Variants in GRAMD1B observed in about 807,000 individuals in gnomAD.
The protein encoded by GRAMD1B is protein Aster-B.
Under a neutral mutation model 99.7 loss-of-function variants are expected in GRAMD1B, and 37 were observed. That is an observed-to-expected ratio of 0.37 (90% CI 0.29 to 0.49). The LOEUF is 0.49. Ranked by LOEUF, GRAMD1B falls within the 20% of genes least tolerant of loss-of-function variation. The probability of loss-of-function intolerance (pLI) is 0.98; values close to 1 mark genes in which losing one functional copy is unlikely to be tolerated. For missense variants in GRAMD1B, 888 were observed against 1,009.2 expected (o/e 0.88, Z 1.63); for synonymous variants, 427 against 387.6 (o/e 1.10, Z -1.19).
At chr11:123,511,571 C>T (rs984586653) in intron 2 of GRAMD1B, among the ~76,000 whole-genome samples, 2 of 152,138 alleles carry the variant, frequency 1.3e-5, no homozygotes, top group African/African-American at 4.8e-5. Context: ...GCAGCCCCAA[C>T]CCCAGCTCCA....
At chr11:123,359,578 G>A (rs145510633) in intron 1 of GRAMD1B, among the ~76,000 whole-genome samples, 256 of 152,152 alleles carry the variant, frequency 1.7e-3, no homozygotes, top group African/African-American at 5.9e-3. Context: ...CAGGCGCCAA[G>A]GTAACATGAA....
intron 2 of GRAMD1B, among the ~76,000 whole-genome samples, chr11:123,489,662 C>T (rs1005984254): frequency 1.3e-5 from 2 of 152,060 alleles, no homozygotes; most frequent in Admixed American, 6.5e-5. Context: ...GAGAAGAGAC[C>T]GACCATAGTG....
At chr11:123,468,804 A>AG (rs1005928208) in intron 1 of GRAMD1B, among the ~76,000 whole-genome samples, 2 of 151,388 alleles carry the variant, frequency 1.3e-5, no homozygotes, top group African/African-American at 4.9e-5. Flanking sequence ...TCAAAAAAAA[A>AG]AAAAAAAAAA....
At chr11:123,494,419 C>CTTTTTTTT (rs772746624) in intron 2 of GRAMD1B, among the ~76,000 whole-genome samples, 1 of 138,626 alleles carries the variant, frequency 7.2e-6, no homozygotes. Flanking sequence ...CACTTAAGGC[C>CTTTTTTTT]TTTTTTTTTT....
intron 1 of GRAMD1B, among the ~76,000 whole-genome samples, chr11:123,458,021 A>G (rs1417521748): frequency 6.6e-6 from 1 of 152,218 alleles, no homozygotes; most frequent in Non-Finnish European, 1.5e-5. Context: ...TGGCTGCCAC[A>G]TATTTTAAAT....
At position 123,587,859 on chromosome 11, in the gene GRAMD1B, A is replaced by G. The variant is rs1950219588; in HGVS notation, c.684+3527A>G. ...GTTGGGGTTGGGCAGCGGAGAGGGT[A>G]GGAGACCTGCCTCGAACCTGGTGTT... On this transcript the variant is annotated intron_variant, in intron 4 of 19. Transcript: ENST00000635736. The surrounding 1 kb of genome is among the most constrained non-coding windows in gnomAD (Gnocchi z 4.2). Among the ~76,000 whole-genome samples, 1 of 152,128 alleles carries G rather than the reference A, an allele frequency of 6.6e-6. No homozygotes were observed. The highest frequency in any genetic ancestry group is 1.5e-5 in the Non-Finnish European group (1 of 68,004).
At chr11:123,576,727 A>G (rs940396142) in intron 2 of GRAMD1B, among the ~76,000 whole-genome samples, 2 of 152,194 alleles carry the variant, frequency 1.3e-5, no homozygotes, top group African/African-American at 2.4e-5. Context: ...CAAGGAAATA[A>G]TATGGTGTGG....
At chr11:123,486,641 C>T (rs1003086545) in intron 2 of GRAMD1B, among the ~76,000 whole-genome samples, 3 of 151,886 alleles carry the variant, frequency 2.0e-5, no homozygotes, top group African/African-American at 7.3e-5. Context: ...TATTTAGACT[C>T]CAGATAAATA....
chr11:123,443,803 G>A (rs991037294), intron 1 of GRAMD1B, among the ~76,000 whole-genome samples: 1 of 152,156 alleles, frequency 6.6e-6, no homozygotes, highest in East Asian at 1.9e-4. Context: ...GGCTGGTCTT[G>A]AACTCCTGAC....
intron 2 of GRAMD1B, among the ~76,000 whole-genome samples, chr11:123,535,696 A>G (rs534802388): frequency 6.6e-6 from 1 of 152,188 alleles, no homozygotes; most frequent in South Asian, 2.1e-4. Flanking sequence ...TATATCATGC[A>G]TACACAAAAA....
intron 1 of GRAMD1B, among the ~76,000 whole-genome samples, chr11:123,460,749 A>T (rs566450102): frequency 1.9e-4 from 29 of 152,244 alleles, no homozygotes; most frequent in African/African-American, 7.0e-4. Flanking sequence ...AGCTGAAAGG[A>T]TTCTTTCTGG....
In GRAMD1B at chr11:123,589,874, C is replaced by G. The variant is rs573406729; in HGVS notation, c.685-4208C>G. Among the ~76,000 whole-genome samples, 56 of 152,198 alleles carry G rather than the reference C, an allele frequency of 3.7e-4. 1 individual carries two copies. The highest frequency in any genetic ancestry group is 1.8e-3 in the Admixed American group (27 of 15,288). On this transcript the variant is annotated intron_variant, in intron 4 of 19. Coordinates refer to ENST00000635736, the MANE Select transcript of GRAMD1B (RefSeq NM_001387025.1). ...TAAGACAAAAGCACCATTCCTAATC[C>G]TATGCGGGCCAAGACCCTCCTGGCA...
At chr11:123,507,351 T>C (rs921039808) in intron 2 of GRAMD1B, among the ~76,000 whole-genome samples, 5 of 152,198 alleles carry the variant, frequency 3.3e-5, no homozygotes, top group African/African-American at 1.2e-4. Context: ...TCAAGTTTAT[T>C]GTATTCAAGA....
At chr11:123,564,510 T>G (rs574546359) in intron 2 of GRAMD1B, among the ~76,000 whole-genome samples, 43 of 152,352 alleles carry the variant, frequency 2.8e-4, no homozygotes, top group African/African-American at 1.0e-3. Context: ...CTGGGGGCTA[T>G]TCCTCAGTTT....
chr11:123,514,586 C>G (rs114045839), intron 2 of GRAMD1B, among the ~76,000 whole-genome samples: 2,203 of 152,268 alleles, frequency 0.014, 74 homozygotes, highest in African/African-American at 0.05. Context: ...CAGGGCACGA[C>G]AAGTAGCTTG....
intron 1 of GRAMD1B, among the ~76,000 whole-genome samples, chr11:123,378,414 A>T (rs1188814118): frequency 6.6e-6 from 1 of 152,192 alleles, no homozygotes; most frequent in African/African-American, 2.4e-5. Context: ...CATTCCTACT[A>T]GTTCTGAAGT....
In GRAMD1B at chr11:123,569,334, A is replaced by G. The variant is rs148609065; in HGVS notation, c.453-8033A>G. 1.0e-3 allele frequency among the ~76,000 whole-genome samples: 157 copies of G among 152,286 alleles called. No individual in the cohort carries two copies. The East Asian group carries it at 0.013, about 13-fold the overall frequency. On this transcript the variant is annotated intron_variant, in intron 2 of 19. Transcript: ENST00000635736. ...CTAGTGACTTGGTAGTTTGCTATCT[A>G]AGGAGGAGGATCCAAGGGGAATTGG...
intron 2 of GRAMD1B, among the ~76,000 whole-genome samples, chr11:123,532,576 A>G (rs1158457644): frequency 6.6e-6 from 1 of 152,254 alleles, no homozygotes; most frequent in Non-Finnish European, 1.5e-5. Flanking sequence ...TGTAGAATGA[A>G]GGCCATTATC....
intron 2 of GRAMD1B, among the ~76,000 whole-genome samples, chr11:123,527,316 G>A (rs1453311577): frequency 1.3e-5 from 2 of 152,200 alleles, no homozygotes; most frequent in Admixed American, 6.5e-5. Context: ...CCCTACCCTA[G>A]ATTAAACCCT....
Sources: gnomAD v4.1 joint callset for allele counts (sites outside exome capture counted in the v4.1 genomes callset) on GRCh38, gnomAD v4.1.1 for gene constraint, Gnocchi (gnomAD v3.1) non-coding constraint, MANE v1.5 for transcripts, NCBI Gene and HGNC (gene_info 2026-07-23, HGNC 2026-07-21) for gene names.